DRAP1: variants seen among roughly 807,000 people sequenced by gnomAD.
DRAP1 encodes the protein dr1-associated corepressor.
Under a neutral mutation model 24.1 loss-of-function variants are expected in DRAP1, and 10 were observed. The ratio of observed to expected loss-of-function variants is 0.41; its 90% CI spans 0.26 to 0.70. The LOEUF (loss-of-function observed/expected upper bound fraction) is 0.70, where lower values mean the gene tolerates loss of function less well. DRAP1 is among the 30% of genes least tolerant of loss of function. DRAP1 has a pLI of 0.29. For synonymous variants in DRAP1, 122 were observed against 113.8 expected (o/e 1.07, Z -0.46); for missense variants, 264 against 275.6 (o/e 0.96, Z 0.30).
Position 65,920,402 on chromosome 11 carries a change from T to G in DRAP1, c.269T>G (p.Val90Gly). Residue 90 changes from valine (V) to glycine (G), a missense_variant, in exon 4 of 7, where the codon GTT becomes GGT. Val to Gly is a moderately radical substitution (Grantham distance 109). Transcript: ENST00000312515. Reference protein sequence around the residue: ...FDFLKDLVASVPDMQGDGEDN... With the variant: ...FDFLKDLVASGPDMQGDGEDN... ...TTCTTGAAGGACCTGGTGGCATCTG[T>G]TCCCGACATGCAGGGGGACGGGGAA... 6.2e-7 allele frequency: 1 copy of G among 1,614,086 alleles called. No individual in the cohort carries two copies. The highest frequency in any genetic ancestry group is 8.5e-7 in the Non-Finnish European group (1 of 1,180,006).
At chr11:65,920,772 C>A in intron 5 of DRAP1, 110 bp downstream of exon 5, 1 of 1,455,682 alleles carries the variant, frequency 6.9e-7, no homozygotes, top group Non-Finnish European at 9.2e-7. Context: ...AACCTGTTTG[C>A]TCACTGGTTT....
At chr11:65,920,806 G>C (rs998768101) in intron 5 of DRAP1, 78 bp from the exon 6 acceptor site, 30 of 1,495,898 alleles carry the variant, frequency 2.0e-5, no homozygotes, top group Middle Eastern at 1.8e-4. Flanking sequence ...GGCTATGAGG[G>C]TCTACTGCTG....
chr11:65,920,081 G>A (rs1289713141), intron 3 of DRAP1, 40 bp downstream of exon 3: 6 of 1,599,584 alleles, frequency 3.8e-6, no homozygotes, highest in East Asian at 2.3e-5. Flanking sequence ...CGGGTTTGGC[G>A]CGGGGAGTTC....
rs200928475 is a variant in DRAP1 at position 65,921,450 on chromosome 11, C to G, written c.*15C>G. On this transcript the variant is annotated 3_prime_UTR_variant, in exon 7 of 7. Coordinates refer to ENST00000312515, the MANE Select transcript of DRAP1 (RefSeq NM_006442.4). ...ACGACTCCTAGCGCCTTCTGCCCCC[C>G]AGACCATAGCCCCTTTTAGTTGGTT... 1.2e-4 allele frequency: 172 copies of G among 1,394,324 alleles called. No homozygotes were observed. The highest frequency in any genetic ancestry group is 7.1e-4 in the Middle Eastern group (4 of 5,618). 86.4% of individuals were successfully genotyped at this position (1,394,324 alleles called of 1,614,324 possible).
intron 5 of DRAP1, 94 bp from the exon 6 acceptor site, chr11:65,920,790 A>T: frequency 6.8e-7 from 1 of 1,472,208 alleles, no homozygotes; most frequent in Non-Finnish European, 9.2e-7. Context: ...TTTATTTGTA[A>T]ATTGGGGCTA....
chr11:65,920,084 G>T, intron 3 of DRAP1, 43 bp downstream of exon 3: 9 of 1,597,606 alleles, frequency 5.6e-6, no homozygotes, highest in Non-Finnish European at 7.7e-6. Context: ...GTTTGGCGCG[G>T]GGAGTTCACA....
chr11:65,920,699 G>A (rs1300351332), intron 5 of DRAP1, 37 bp downstream of exon 5: 1 of 1,464,088 alleles, frequency 6.8e-7, no homozygotes, highest in Non-Finnish European at 9.1e-7. Context: ...TGCCCTTGGT[G>A]ATGGGACAGG....
chr11:65,919,451 G>C lies in DRAP1; in HGVS notation c.-51G>C, dbSNP rs1854518092. The C allele has an allele frequency of 1.3e-6, 2 of 1,512,660 alleles. No individual in the cohort carries two copies. The highest frequency in any genetic ancestry group is 1.2e-5 in the South Asian group (1 of 80,046). The allele number at this position is 1,512,660 out of a possible 1,614,324, so 93.7% of individuals were successfully genotyped here. A position where few individuals can be genotyped will look rare whatever the true frequency, so the allele number is the denominator to read the frequency against. On this transcript the variant is annotated 5_prime_UTR_variant, in exon 1 of 7. Transcript: ENST00000312515. ...GGGCGGCGAGCAGGCCCGGGAGCCG[G>C]GAGGCTGCGGGCGGCGGCGCTGGAC... is the stretch of plus-strand genomic sequence containing the variant.
At chr11:65,920,192 C>A in intron 3 of DRAP1, 151 bp downstream of exon 3, 1 of 1,423,934 alleles carries the variant, frequency 7.0e-7, no homozygotes, top group Admixed American at 2.1e-5. Flanking sequence ...GGCTTCCAGG[C>A]AGAGGGAGCC....
chr11:65,919,726 ACC>A, intron 1 of DRAP1, 52 bp from the exon 2 acceptor site: 1 of 1,603,988 alleles, frequency 6.2e-7, no homozygotes. Flanking sequence ...CTCCCCCAGC[ACC>A]CCCTTAGGGG....
rs557528042 is a variant in DRAP1 at position 65,921,387 on chromosome 11, G to A, written c.570G>A (p.Pro190=). ...ASTLPLPPAP[P]GPSAPDEEDE... ...CTCTGCCTTTGCCCCCAGCGCCCCCGGGCCCCTCAGCACCTGATGAAGAGG... is the reference window on the plus strand; with the variant it reads ...CTCTGCCTTTGCCCCCAGCGCCCCCAGGCCCCTCAGCACCTGATGAAGAGG... Residue 190 remains proline (P), a synonymous_variant, in exon 7 of 7, where the codon CCG becomes CCA. Transcript: ENST00000312515. 23 of 1,611,586 alleles carry A rather than the reference G, an allele frequency of 1.4e-5. No individual in the cohort carries two copies. In the East Asian group the frequency reaches 2.5e-4, roughly 17 times the overall value.
rs201804630 is a variant in DRAP1, at chr11:65,919,765, C to A, written c.43-15C>A. The A allele has an allele frequency of 5.0e-6, 8 of 1,612,780 alleles. No individual in the cohort carries two copies. The highest frequency in any genetic ancestry group is 6.8e-6 in the Non-Finnish European group (8 of 1,179,942). ...CGGTGGCGACGGGGTCTGAACTCTG[C>A]TCCCCCACCCGCAGGCGCGGATCAA... On this transcript the variant is annotated splice_polypyrimidine_tract_variant and intron_variant, in intron 1 of 6. Coordinates refer to ENST00000312515, the MANE Select transcript of DRAP1 (RefSeq NM_006442.4).
rs950426651 is a variant in DRAP1 at position 65,920,640 on chromosome 11, C to T, written c.401C>T (p.Ser134Phe). ...ACGAAAAGCAAGGACAAGAAGCTGT[C>T]CGGGACAGACTCGGAGCAGGAGGTG... ...MGTKSKDKKL[S>F]GTDSEQEDES... The change falls in exon 5 of 7, where the codon TCC (serine) becomes TTC (phenylalanine). Residue 134 changes from serine (S) to phenylalanine (F), a missense_variant. Coordinates refer to ENST00000312515, the MANE Select transcript of DRAP1 (RefSeq NM_006442.4). 2 of 1,509,324 alleles carry T rather than the reference C, an allele frequency of 1.3e-6. No homozygotes were observed. Among genetic ancestry groups the T allele is most frequent in the Non-Finnish European group, 1.8e-6 (2 of 1,125,526 alleles). The allele number at this position is 1,509,324 out of a possible 1,614,324, so 93.5% of individuals were successfully genotyped here.
rs1249147380 is a variant in DRAP1 at position 65,921,413 on chromosome 11, A to T, written c.596A>T (p.Asp199Val). ...GGCCCCTCAGCACCTGATGAAGAGG[A>T]CGAAGAAGATTACGACTCCTAGCGC... Reference protein sequence around the residue: ...PPGPSAPDEEDEEDYDS With the variant: ...PPGPSAPDEEVEEDYDS Residue 199 changes from aspartate to valine, a missense_variant, in exon 7 of 7, where the codon GAC becomes GTC. Coordinates refer to ENST00000312515, the MANE Select transcript of DRAP1 (RefSeq NM_006442.4). 1 of 1,609,168 alleles carries T rather than the reference A, an allele frequency of 6.2e-7. No individual in the cohort carries two copies. Among genetic ancestry groups the T allele is most frequent in the South Asian group, 1.1e-5 (1 of 90,972 alleles).
intron 1 of DRAP1, 116 bp from the exon 2 acceptor site, chr11:65,919,664 T>TGCCCTCCCC (rs1854522340): frequency 6.8e-7 from 1 of 1,479,160 alleles, no homozygotes; most frequent in African/African-American, 1.4e-5. Context: ...GCCCCCTCCA[T>TGCCCTCCCC]GCCCTCCCCG....
Position 65,921,420 on chromosome 11 carries a change from A to C in DRAP1, c.603A>C (p.Glu201Asp). The C allele has an allele frequency of 1.9e-6, 3 of 1,605,854 alleles. No individual in the cohort carries two copies. Among genetic ancestry groups the C allele is most frequent in the Non-Finnish European group, 2.6e-6 (3 of 1,172,722 alleles). The change falls in exon 7 of 7, where the codon GAA becomes GAC. Residue 201 changes from glutamate (E) to aspartate (D), a missense_variant. Transcript: ENST00000312515. Reference protein sequence around the residue: ...GPSAPDEEDEEDYDS With the variant: ...GPSAPDEEDEDDYDS ...CAGCACCTGATGAAGAGGACGAAGA[A>C]GATTACGACTCCTAGCGCCTTCTGC...
intron 5 of DRAP1, 29 bp downstream of exon 5, chr11:65,920,691 C>A: frequency 6.8e-7 from 1 of 1,466,906 alleles, no homozygotes; most frequent in Non-Finnish European, 9.1e-7. Flanking sequence ...CTTCGCCCTG[C>A]CCTTGGTGAT....
At chr11:65,921,011 C>CT in intron 6 of DRAP1, 39 bp downstream of exon 6, 1 of 1,499,490 alleles carries the variant, frequency 6.7e-7, no homozygotes, top group Non-Finnish European at 9.0e-7. Context: ...CTGGCAGACT[C>CT]CCCAGAGCCA....
chr11:65,920,869 C>G lies in DRAP1; in HGVS notation c.424-15C>G. On this transcript the variant is annotated splice_polypyrimidine_tract_variant and intron_variant, in intron 5 of 6. Transcript: ENST00000312515. ...TGTCTTTTCTTGTCAACTCTGACCT[C>G]TGCGGTGCTCACAGGATGAATCTGA... 6.2e-7 allele frequency: 1 copy of G among 1,608,434 alleles called. No homozygotes were observed. Among genetic ancestry groups the G allele is most frequent in the Non-Finnish European group, 8.5e-7 (1 of 1,176,932 alleles).
Sources: gnomAD v4.1 joint callset for allele counts on GRCh38, gnomAD v4.1.1 for gene constraint, MANE v1.5 for transcripts, NCBI Gene and HGNC (gene_info 2026-07-23, HGNC 2026-07-21) for gene names.